Variants in ABCC1 observed in about 807,000 individuals in gnomAD.
ABCC1 encodes the protein ATP binding cassette subfamily C member 1 (ABCC1 blood group).
ABCC1 carries 83 observed loss-of-function variants against 172.9 expected under a neutral mutation model. That is an observed-to-expected ratio of 0.48 (90% CI 0.40 to 0.58). The LOEUF (loss-of-function observed/expected upper bound fraction) is 0.58, where lower values mean the gene tolerates loss of function less well. Among genes scored for constraint, ABCC1 ranks in the 20% least tolerant of loss-of-function variants. The probability of loss-of-function intolerance (pLI) is 0.00; values close to 1 mark genes in which losing one functional copy is unlikely to be tolerated. For synonymous variants in ABCC1, 937 were observed against 825.2 expected (o/e 1.14, Z -2.32); for missense variants, 1,817 against 2,002.7 (o/e 0.91, Z 1.77).
At chr16:16,012,629 G>A (rs1214597365) in intron 3 of ABCC1, among the ~76,000 whole-genome samples, 1 of 150,478 alleles carries the variant, frequency 6.6e-6, no homozygotes, top group African/African-American at 2.4e-5. Context: ...GCCACCATAC[G>A]TGGTCAGCTG....
chr16:15,951,541 G>C (rs913508873), intron 1 of ABCC1, among the ~76,000 whole-genome samples: 2 of 152,062 alleles, frequency 1.3e-5, no homozygotes, highest in Non-Finnish European at 2.9e-5. Flanking sequence ...TTGACCTTGC[G>C]TATTTCTGCT....
At chr16:16,068,821 T>C (rs992713355) in intron 13 of ABCC1, among the ~76,000 whole-genome samples, 3 of 151,902 alleles carry the variant, frequency 2.0e-5, no homozygotes, top group African/African-American at 7.3e-5. Context: ...ACCTCATCTC[T>C]ACTAAAAATA....
chr16:15,949,777 C>A lies in ABCC1; in HGVS notation c.26C>A (p.Ala9Asp). MALRGFCS[A>D]DGSDPLWDWN... ...ATGGCGCTCCGGGGCTTCTGCAGCGCCGATGGCTCCGACCCGCTCTGGGTA... is the reference window on the plus strand; with the variant it reads ...ATGGCGCTCCGGGGCTTCTGCAGCGACGATGGCTCCGACCCGCTCTGGGTA... The change falls in exon 1 of 31, where the codon GCC (alanine) becomes GAC (aspartate). Residue 9 changes from alanine to aspartate, a missense_variant. Ala to Asp is a moderately radical substitution (Grantham distance 126). Around this residue, in one of 3 missense-constraint regions of ABCC1, gnomAD observed 398 missense variants for 384.2 expected, o/e 1.04. Transcript: ENST00000399410. 8.4e-7 allele frequency: 1 copy of A among 1,195,918 alleles called. No homozygotes were observed. Among genetic ancestry groups the A allele is most frequent in the Non-Finnish European group, 1.0e-6 (1 of 964,916 alleles). 74.1% of individuals were successfully genotyped at this position (1,195,918 alleles called of 1,614,324 possible). A position where few individuals can be genotyped will look rare whatever the true frequency, so the allele number is the denominator to read the frequency against.
intron 1 of ABCC1, among the ~76,000 whole-genome samples, chr16:15,992,696 T>C (rs778562042): frequency 1.3e-5 from 2 of 152,228 alleles, no homozygotes; most frequent in Non-Finnish European, 2.9e-5. Context: ...CCACTGTGCC[T>C]GGCCAGGGAC....
intron 13 of ABCC1, among the ~76,000 whole-genome samples, chr16:16,070,631 C>G (rs1031394026): frequency 1.1e-4 from 17 of 152,212 alleles, no homozygotes; most frequent in African/African-American, 3.9e-4. Flanking sequence ...CGCCACTGCA[C>G]TCCAGCCTGG....
intron 11 of ABCC1, among the ~76,000 whole-genome samples, chr16:16,055,231 A>C (rs76354735): frequency 6.6e-6 from 1 of 150,860 alleles, no homozygotes; most frequent in African/African-American, 2.4e-5. Context: ...TGATGTTTCC[A>C]AAAAAAAAGA....
intron 1 of ABCC1, among the ~76,000 whole-genome samples, chr16:15,965,535 G>A (rs2046224355): frequency 6.6e-6 from 1 of 151,968 alleles, no homozygotes; most frequent in Non-Finnish European, 1.5e-5. Context: ...CTTGTGATCT[G>A]CCCACTTCGG....
chr16:15,984,012 A>G (rs1194991495), intron 1 of ABCC1, among the ~76,000 whole-genome samples: 4 of 152,174 alleles, frequency 2.6e-5, no homozygotes, highest in African/African-American at 9.7e-5. Flanking sequence ...GCCATTAAGC[A>G]AAGCCGGATT....
At chr16:16,015,107 G>A (rs1309516705) in intron 4 of ABCC1, among the ~76,000 whole-genome samples, 1 of 149,912 alleles carries the variant, frequency 6.7e-6, no homozygotes, top group Non-Finnish European at 1.5e-5. Flanking sequence ...GTGTGCTGCT[G>A]CTAGGAATTT....
intron 1 of ABCC1, among the ~76,000 whole-genome samples, chr16:15,983,387 G>C (rs1278587965): frequency 2.0e-5 from 3 of 152,130 alleles, no homozygotes; most frequent in Non-Finnish European, 2.9e-5. Context: ...TCAGCGCAGT[G>C]TGAAGGGACT....
At chr16:16,084,080 CTTTCT>C (rs1341238406) in intron 17 of ABCC1, among the ~76,000 whole-genome samples, 2 of 152,046 alleles carry the variant, frequency 1.3e-5, no homozygotes, top group Non-Finnish European at 2.9e-5. Flanking sequence ...AGCATTTTCT[CTTTCT>C]TTTCTTTCTT....
At chr16:15,961,069 C>G (rs963436379) in intron 1 of ABCC1, among the ~76,000 whole-genome samples, 10 of 145,500 alleles carry the variant, frequency 6.9e-5, no homozygotes, top group African/African-American at 2.5e-4. Context: ...TGGTCTCGAA[C>G]TCCTGGGCTC....
chr16:16,088,480 C>T, intron 18 of ABCC1, among the ~76,000 whole-genome samples: 1 of 151,988 alleles, frequency 6.6e-6, no homozygotes, highest in East Asian at 1.9e-4. Context: ...TAAAATAGTC[C>T]CTCTTCATCC....
At chr16:15,950,355 A>G (rs2045841049) in intron 1 of ABCC1, among the ~76,000 whole-genome samples, 1 of 151,078 alleles carries the variant, frequency 6.6e-6, no homozygotes, top group Non-Finnish European at 1.5e-5. Flanking sequence ...TGTTCTTTCT[A>G]CTTAGATACT....
At chr16:15,963,387 T>C (rs2046179200) in intron 1 of ABCC1, among the ~76,000 whole-genome samples, 1 of 152,244 alleles carries the variant, frequency 6.6e-6, no homozygotes, top group African/African-American at 2.4e-5. Context: ...GGTGGCCCTT[T>C]TCTCACAGCT....
intron 1 of ABCC1, among the ~76,000 whole-genome samples, chr16:15,952,808 T>A (rs1187669192): frequency 6.9e-6 from 1 of 144,720 alleles, no homozygotes; most frequent in Non-Finnish European, 1.5e-5. Flanking sequence ...GGCAGGCGGA[T>A]TGCTTGAGGT....
At chr16:16,066,112 C>T (rs1010644724) in intron 12 of ABCC1, among the ~76,000 whole-genome samples, 9 of 152,180 alleles carry the variant, frequency 5.9e-5, no homozygotes, top group African/African-American at 2.2e-4. Flanking sequence ...AATCTGCTTT[C>T]TGTCTGTCTC....
intron 1 of ABCC1, among the ~76,000 whole-genome samples, chr16:15,973,435 C>T (rs2046413575): frequency 6.6e-6 from 1 of 151,988 alleles, no homozygotes; most frequent in Non-Finnish European, 1.5e-5. Flanking sequence ...ACAGGATGGG[C>T]TCCATAATGA....
intron 6 of ABCC1, among the ~76,000 whole-genome samples, chr16:16,033,709 C>T (rs772051954): frequency 2.0e-5 from 3 of 152,014 alleles, no homozygotes; most frequent in African/African-American, 7.2e-5. Context: ...TACAAGTCTC[C>T]GCCTCCCAGG....
Sources: gnomAD v4.1 joint callset for allele counts (sites outside exome capture counted in the v4.1 genomes callset) on GRCh38, gnomAD v4.1.1 for gene constraint, gnomAD v4.1.1 regional missense constraint, MANE v1.5 for transcripts, NCBI Gene and HGNC (gene_info 2026-07-23, HGNC 2026-07-21) for gene names.